UTP20: variants seen among roughly 807,000 people sequenced by gnomAD.
The protein encoded by UTP20 is UTP20 small subunit processome component.
Under a neutral mutation model 329.5 loss-of-function variants are expected in UTP20, and 164 were observed. The observed-to-expected ratio is 0.50, with a 90% CI of 0.44 to 0.57. UTP20 has a LOEUF of 0.57. Among genes scored for constraint, UTP20 ranks in the 20% least tolerant of loss-of-function variants. The pLI, the probability that UTP20 is intolerant of heterozygous loss-of-function variation, is 0.00. For missense variants in UTP20, 3,055 were observed against 3,284.2 expected, an observed-to-expected ratio of 0.93 and a Z score of 1.71; for synonymous variants, 1,151 against 1,159.3, an observed-to-expected ratio of 0.99 and a Z score of 0.14.
chr12:101,331,172 T>G (rs1181708878), intron 27 of UTP20, among the ~76,000 whole-genome samples: 3 of 152,212 alleles, frequency 2.0e-5, no homozygotes, highest in Non-Finnish European at 4.4e-5. Flanking sequence ...TTCAGGATTT[T>G]TCTCTAGTTT....
chr12:101,377,184 C>A (rs1870503039), intron 56 of UTP20, among the ~76,000 whole-genome samples: 1 of 152,188 alleles, frequency 6.6e-6, no homozygotes, highest in South Asian at 2.1e-4. Context: ...ACTGTATGAC[C>A]TTCTCAGGTG....
rs397946626 is a variant in UTP20 at position 101,383,027 on chromosome 12, G to GT, written c.7657-5dup. The GT allele has an allele frequency of 1.0e-3, 1,564 of 1,548,812 alleles. 1 individual carries two copies. The highest frequency in any genetic ancestry group is 6.1e-3 in the African/African-American group (438 of 71,814). On this transcript the variant is annotated splice_polypyrimidine_tract_variant and intron_variant, in intron 58 of 61. Coordinates refer to ENST00000261637, the MANE Select transcript of UTP20 (RefSeq NM_014503.3). ...AATGTCCAATTTCTTCCCCCACCCC[G>GT]TTTTTTTTTAAAGGTTGTTAAGAAT...
chr12:101,377,698 G>A (rs1267315693), intron 56 of UTP20, among the ~76,000 whole-genome samples: 1 of 152,100 alleles, frequency 6.6e-6, no homozygotes, highest in Admixed American at 6.6e-5. Context: ...GGAAGTTTGG[G>A]TCTCAATGGA....
rs1873089069 is a variant in UTP20, at chr12:101,319,762, G to A, written c.2829+127G>A. 1.6e-5 allele frequency: 11 copies of A among 708,990 alleles called. 1 individual carries two copies. In the South Asian group the frequency reaches 2.3e-4, roughly 15 times the overall value. 43.9% of individuals were successfully genotyped at this position (708,990 alleles called of 1,614,324 possible). A position where few individuals can be genotyped will look rare whatever the true frequency, so the allele number is the denominator to read the frequency against. On this transcript the variant is annotated intron_variant, in intron 23 of 61. Coordinates refer to ENST00000261637, the MANE Select transcript of UTP20 (RefSeq NM_014503.3). ...CCATGTCTACATTTTAAGTATTAAA[G>A]CCTTTTTTTTTTTAATTAATAGACA...
Position 101,317,655 on chromosome 12 carries a change from T to G in UTP20, c.2730T>G (p.Ala910=), listed in dbSNP as rs373200709. ...ESSQKKKTRR[A]AAKQLIAHLQ... ...CACAGAAGAAAAAGACGAGGAGAGC[T>G]GCAGCAAAGTAAGTTCACCATTGCT... Residue 910 remains alanine, a synonymous_variant, in exon 22 of 62, where the codon GCT becomes GCG. Coordinates refer to ENST00000261637, the MANE Select transcript of UTP20 (RefSeq NM_014503.3). The G allele has an allele frequency of 1.9e-4, 298 of 1,607,928 alleles. No homozygotes were observed. Among genetic ancestry groups the G allele is most frequent in the Non-Finnish European group, 2.4e-4 (283 of 1,177,490 alleles).
intron 6 of UTP20, 34 bp downstream of exon 6, chr12:101,289,075 C>A: frequency 6.4e-7 from 1 of 1,572,034 alleles, no homozygotes; most frequent in Non-Finnish European, 8.7e-7. Context: ...TGTTGCTAAT[C>A]ATCAAGAATC....
At chr12:101,345,756 A>G (rs1869303016) in intron 37 of UTP20, 62 bp downstream of exon 37, 13 of 1,431,662 alleles carry the variant, frequency 9.1e-6, no homozygotes, top group Non-Finnish European at 9.3e-6. Context: ...AAACAGTTCT[A>G]CCTCATTTGG....
At chr12:101,289,907 T>A in intron 6 of UTP20, 1 of 251,322 alleles carries the variant, frequency 4.0e-6, no homozygotes. Flanking sequence ...CTGTAGTTTT[T>A]TTTGTAGTAC....
At chr12:101,339,795 C>T (rs1000831059) in intron 31 of UTP20, among the ~76,000 whole-genome samples, 1 of 152,106 alleles carries the variant, frequency 6.6e-6, no homozygotes, top group Non-Finnish European at 1.5e-5. Flanking sequence ...TTTAAGTTGA[C>T]CATTACAAGG....
At chr12:101,328,008 A>G (rs1868626892) in intron 26 of UTP20, among the ~76,000 whole-genome samples, 1 of 152,216 alleles carries the variant, frequency 6.6e-6, no homozygotes, top group Admixed American at 6.5e-5. Flanking sequence ...GAAAAGTGGT[A>G]GAGTTGGGAT....
rs139139597 is a variant in UTP20, at chr12:101,365,493, G to A, written c.5993G>A (p.Arg1998Gln). ...AATACCACGAGTTTGAAACTGGCCC[G>A]GAAAGTTCATGAAACTTTACGCCGA... ...LQNTTSLKLA[R>Q]KVHETLRRIT... The change falls in exon 46 of 62, where the codon CGG (arginine) becomes CAG (glutamine). Residue 1998 changes from arginine (R) to glutamine (Q), a missense_variant. By Grantham distance (43) the Arg-to-Gln change is conservative (BLOSUM62 1). Coordinates refer to ENST00000261637, the MANE Select transcript of UTP20 (RefSeq NM_014503.3). The A allele has an allele frequency of 1.9e-4, 310 of 1,609,376 alleles. No individual in the cohort carries two copies. The highest frequency in any genetic ancestry group is 2.5e-4 in the Non-Finnish European group (289 of 1,178,718).
At position 101,352,125 on chromosome 12, in the gene UTP20, A is replaced by G. The variant is rs1277806435; in HGVS notation, c.4955A>G (p.Tyr1652Cys). 1.2e-6 allele frequency: 2 copies of G among 1,614,028 alleles called. No homozygotes were observed. Among genetic ancestry groups the G allele is most frequent in the East Asian group, 2.2e-5 (1 of 44,864 alleles). The change falls in exon 39 of 62, where the codon TAT becomes TGT. Residue 1652 changes from tyrosine to cysteine, a missense_variant. Transcript: ENST00000261637. The part of the protein sequence containing the change: ...AICKHLSWSA[Y>C]MYYLKHFIHV... ...TGCAAACATCTCTCTTGGTCAGCGT[A>G]TATGTATTACTTGAAACATTTCATT...
chr12:101,315,855 C>T (rs886732972), intron 21 of UTP20, among the ~76,000 whole-genome samples: 11 of 152,060 alleles, frequency 7.2e-5, no homozygotes, highest in South Asian at 2.1e-4. Flanking sequence ...GTTTACCCCA[C>T]GGCTTAAGGA....
rs1203181970 is a variant in UTP20 at position 101,362,850 on chromosome 12, A to G, written c.5791-726A>G. Among the ~76,000 whole-genome samples the G allele has an allele frequency of 2.3e-5, 3 of 130,762 alleles. 1 individual carries two copies. The highest frequency in any genetic ancestry group is 8.1e-5 in the African/African-American group (2 of 24,748). The allele number at this position is 130,762 out of a possible 152,430, so 85.8% of individuals were successfully genotyped here. ...GAATCTCAATTTAAATATTTACGTTAGGCCAGGCACAATGGCTCACACCTG... is the reference window on the plus strand; with the variant it reads ...GAATCTCAATTTAAATATTTACGTTGGGCCAGGCACAATGGCTCACACCTG... On this transcript the variant is annotated intron_variant, in intron 44 of 61. Coordinates refer to ENST00000261637, the MANE Select transcript of UTP20 (RefSeq NM_014503.3).
intron 58 of UTP20, among the ~76,000 whole-genome samples, chr12:101,382,346 C>T (rs558552341): frequency 9.9e-5 from 15 of 152,116 alleles, no homozygotes; most frequent in East Asian, 3.9e-4. Context: ...TTCACTGAGC[C>T]GAGATCGCAC....
intron 32 of UTP20, 65 bp downstream of exon 32, chr12:101,340,675 G>T: frequency 1.0e-6 from 1 of 985,842 alleles, no homozygotes; most frequent in South Asian, 1.5e-5. Context: ...GTTTAATTGC[G>T]AGCAGCAATT....
chr12:101,306,292 T>C (rs1872639848), intron 16 of UTP20, among the ~76,000 whole-genome samples: 2 of 152,052 alleles, frequency 1.3e-5, no homozygotes, highest in African/African-American at 4.8e-5. Context: ...TCCAATTCAG[T>C]AGGGCTAGGG....
Position 101,295,490 on chromosome 12 carries a change from C to A in UTP20, c.1262C>A (p.Pro421Gln). ...AMKQFEQLFL[P>Q]SFLSYIVNCF... is the part of the protein sequence containing the mutation. Reference sequence around the variant, plus strand: ...TTTTCTTAACTTTAGCTTTTTCTACCAAGCTTTCTGTCATATATTGTGAAT... The same window carrying A: ...TTTTCTTAACTTTAGCTTTTTCTACAAAGCTTTCTGTCATATATTGTGAAT... Residue 421 changes from proline to glutamine, a missense_variant, in exon 12 of 62, where the codon CCA (proline) becomes CAA (glutamine). By Grantham distance (76) the Pro-to-Gln change is moderately conservative. Transcript: ENST00000261637. 1 of 1,575,832 alleles carries A rather than the reference C, an allele frequency of 6.3e-7. No homozygotes were observed.
intron 43 of UTP20, among the ~76,000 whole-genome samples, chr12:101,361,251 A>G (rs926017595): frequency 6.6e-6 from 1 of 152,112 alleles, no homozygotes; most frequent in African/African-American, 2.4e-5. Context: ...TTTCCTTCAT[A>G]ATATTTTATT....
Sources: allele counts gnomAD v4.1 joint callset (sites outside exome capture counted in the v4.1 genomes callset), GRCh38; gene constraint gnomAD v4.1.1; transcripts MANE v1.5; gene names NCBI Gene and HGNC (gene_info 2026-07-23, HGNC 2026-07-21).